Variants in TAS2R1 observed in about 807,000 individuals in gnomAD.
TAS2R1 encodes taste 2 receptor member 1.
For synonymous variants in TAS2R1, 141 were observed against 134.2 expected (o/e 1.05, Z -0.35); for missense variants, 370 against 353.4 (o/e 1.05, Z -0.38).
At chr5:9,694,891 G>C (rs1741326964) in intron 1 of TAS2R1, among the ~76,000 whole-genome samples, 1 of 152,020 alleles carries the variant, frequency 6.6e-6, no homozygotes, top group East Asian at 1.9e-4. Context: ...CACTATTAAA[G>C]GATTTTTCTC....
chr5:9,795,576 G>A, the TAS2R1 span, among the ~76,000 whole-genome samples: 1 of 152,174 alleles, frequency 6.6e-6, no homozygotes. Context: ...CTCAGAAGAT[G>A]AAGCTGCTAT....
chr5:9,657,984 G>C (rs1031053994), intron 2 of TAS2R1, among the ~76,000 whole-genome samples: 4 of 152,184 alleles, frequency 2.6e-5, no homozygotes, highest in Non-Finnish European at 5.9e-5. Context: ...GAAGGATTTA[G>C]AACTGATGAG....
chr5:9,731,368 C>G, the TAS2R1 span, among the ~76,000 whole-genome samples: 23 of 152,252 alleles, frequency 1.5e-4, no homozygotes, highest in South Asian at 3.9e-3. Flanking sequence ...CGCGGCACCC[C>G]CTTCGCTGCC....
chr5:9,858,696 T>C, the TAS2R1 span, among the ~76,000 whole-genome samples: 2 of 152,092 alleles, frequency 1.3e-5, no homozygotes, highest in African/African-American at 4.8e-5. Flanking sequence ...GGGAGGACAA[T>C]ATAGAAGGAA....
the TAS2R1 span, among the ~76,000 whole-genome samples, chr5:9,759,111 T>C: frequency 9.9e-5 from 15 of 152,260 alleles, no homozygotes; most frequent in African/African-American, 3.4e-4. Context: ...ATCTGTCACA[T>C]GCTCTTTGTA....
At chr5:9,729,280 G>A in the TAS2R1 span, among the ~76,000 whole-genome samples, 4 of 151,788 alleles carry the variant, frequency 2.6e-5, no homozygotes, top group African/African-American at 4.8e-5. Flanking sequence ...GGGGGAGGAC[G>A]ATGGTCCCTG....
chr5:9,674,690 T>A (rs1740834638), intron 1 of TAS2R1, among the ~76,000 whole-genome samples: 1 of 152,142 alleles, frequency 6.6e-6, no homozygotes. Flanking sequence ...GTCCTGAAGA[T>A]CATTTCTTAA....
At chr5:9,832,796 G>A in the TAS2R1 span, among the ~76,000 whole-genome samples, 5 of 152,344 alleles carry the variant, frequency 3.3e-5, no homozygotes, top group Admixed American at 1.3e-4. Flanking sequence ...TTTGTAAACC[G>A]AAAGTTGTCT....
chr5:9,635,258 G>C, upstream of TAS2R1, among the ~76,000 whole-genome samples: 1 of 152,160 alleles, frequency 6.6e-6, no homozygotes, highest in East Asian at 1.9e-4. Flanking sequence ...GTATTGACTT[G>C]TATATGTTAA....
chr5:9,870,421 C>T, the TAS2R1 span, among the ~76,000 whole-genome samples: 1 of 152,180 alleles, frequency 6.6e-6, no homozygotes, highest in African/African-American at 2.4e-5. Flanking sequence ...CACTTTTCTT[C>T]TACCCTCCCA....
At chr5:9,748,705 C>A in the TAS2R1 span, among the ~76,000 whole-genome samples, 1 of 152,284 alleles carries the variant, frequency 6.6e-6, no homozygotes, top group East Asian at 1.9e-4. Context: ...AGAGGAAGGG[C>A]ATTAATCTAT....
At chr5:9,762,573 C>T in the TAS2R1 span, among the ~76,000 whole-genome samples, 1 of 152,148 alleles carries the variant, frequency 6.6e-6, no homozygotes, top group Admixed American at 6.5e-5. Context: ...AAATTGTCTT[C>T]GGAACTTTCA....
chr5:9,819,268 C>T, the TAS2R1 span, among the ~76,000 whole-genome samples: 1 of 152,170 alleles, frequency 6.6e-6, no homozygotes, highest in Non-Finnish European at 1.5e-5. Flanking sequence ...GTTTGTGGTT[C>T]TTAAAGCAAA....
At chr5:9,652,629 G>A (rs1035606909) in intron 2 of TAS2R1, among the ~76,000 whole-genome samples, 8 of 152,246 alleles carry the variant, frequency 5.3e-5, no homozygotes, top group Admixed American at 5.2e-4. Context: ...AGCTTTTATT[G>A]TATTAATCCA....
chr5:9,633,610 A>C (rs1188482275), upstream of TAS2R1, among the ~76,000 whole-genome samples: 1 of 151,678 alleles, frequency 6.6e-6, no homozygotes, highest in African/African-American at 2.4e-5. Flanking sequence ...ACCAACATCT[A>C]TTATTTTTTG....
At chr5:9,842,407 AC>A in the TAS2R1 span, among the ~76,000 whole-genome samples, 1 of 137,292 alleles carries the variant, frequency 7.3e-6, no homozygotes, top group African/African-American at 2.8e-5. Context: ...TGCAACCTCC[AC>A]CTCCCAGGTT....
chr5:9,709,588 G>A (rs1741691102), intron 1 of TAS2R1, among the ~76,000 whole-genome samples: 1 of 152,194 alleles, frequency 6.6e-6, no homozygotes, highest in Admixed American at 6.5e-5. Flanking sequence ...AAGACACTGT[G>A]GCTTCCGTCT....
the TAS2R1 span, among the ~76,000 whole-genome samples, chr5:9,877,026 A>C: frequency 6.6e-6 from 1 of 152,216 alleles, no homozygotes; most frequent in African/African-American, 2.4e-5. Context: ...AACACACTTA[A>C]TGTGTTTCCT....
chr5:9,720,669 A>C, the TAS2R1 span, among the ~76,000 whole-genome samples: 49 of 152,200 alleles, frequency 3.2e-4, no homozygotes, highest in Non-Finnish European at 1.6e-4. Flanking sequence ...AAACTGTTTC[A>C]ACCTTCCCTG....
Sources: gnomAD v4.1 joint callset for allele counts (sites outside exome capture counted in the v4.1 genomes callset) on GRCh38, gnomAD v4.1.1 for gene constraint, MANE v1.5 for transcripts, NCBI Gene and HGNC (gene_info 2026-07-23, HGNC 2026-07-21) for gene names.